HYDIN: variants seen among roughly 807,000 people sequenced by gnomAD.
The protein encoded by HYDIN is HYDIN axonemal central pair apparatus protein, also known as axonemal central pair apparatus protein HYDIN.
HYDIN carries 132 observed loss-of-function variants against 403.9 expected under a neutral mutation model. The ratio of observed to expected loss-of-function variants is 0.33; its 90% CI spans 0.28 to 0.38. The LOEUF (loss-of-function observed/expected upper bound fraction) is 0.38, where lower values mean the gene tolerates loss of function less well. Ranked by LOEUF, HYDIN falls within the 10% of genes least tolerant of loss-of-function variation. The pLI is 1.00. For missense variants in HYDIN, 2,827 were observed against 5,009.5 expected, an observed-to-expected ratio of 0.56 and a Z score of 13.15; for synonymous variants, 1,202 against 1,891.7, an observed-to-expected ratio of 0.64 and a Z score of 9.46.
chr16:70,836,699 C>T (rs1439163686), intron 77 of HYDIN, among the ~76,000 whole-genome samples: 1 of 152,216 alleles, frequency 6.6e-6, no homozygotes, highest in Non-Finnish European at 1.5e-5. Context: ...ACCCCTCCAC[C>T]CAACTATCTT....
rs1313250601 is a variant in HYDIN, at chr16:70,808,008, G to A, written c.14938C>T (p.Gln4980Ter). The A allele has an allele frequency of 6.2e-7, 1 of 1,613,768 alleles. No individual in the cohort carries two copies. Among genetic ancestry groups the A allele is most frequent in the African/African-American group, 1.3e-5 (1 of 74,856 alleles). Residue 4980 changes from glutamine (Q) to a stop codon, truncating the protein, a stop_gained, in exon 86 of 86, where the codon CAG becomes TAG. Coordinates refer to ENST00000393567, the MANE Select transcript of HYDIN (RefSeq NM_001270974.2). LOFTEE classifies it high-confidence loss of function. ...EKLINAAPGGQGGTEASVEVL... is the reference protein window; with the variant it reads ...EKLINAAPGG ...TCCACACTGGCTTCAGTGCCTCCCT[G>A]GCCTCCTGGGGCTGCATTAATGAGT...
chr16:70,847,181 CA>C (rs1358943396), intron 75 of HYDIN, among the ~76,000 whole-genome samples: 4 of 152,074 alleles, frequency 2.6e-5, no homozygotes, highest in Non-Finnish European at 4.4e-5. Context: ...CAATAATAGG[CA>C]AAACTTTTGC....
At chr16:70,831,951 T>C (rs527877025) in intron 80 of HYDIN, among the ~76,000 whole-genome samples, 1 of 150,260 alleles carries the variant, frequency 6.7e-6, no homozygotes, top group Non-Finnish European at 1.5e-5. Flanking sequence ...ACAAAACTTA[T>C]GTTCGGAATA....
intron 12 of HYDIN, among the ~76,000 whole-genome samples, chr16:71,082,133 A>G (rs1278359430): frequency 6.6e-6 from 1 of 151,920 alleles, no homozygotes; most frequent in Non-Finnish European, 1.5e-5. Context: ...AGAACCTACG[A>G]TATTAACTTT....
At chr16:70,992,738 G>T (rs1597487981) in intron 23 of HYDIN, among the ~76,000 whole-genome samples, 1 of 152,024 alleles carries the variant, frequency 6.6e-6, no homozygotes, top group East Asian at 1.9e-4. Flanking sequence ...TCAGTGCCTT[G>T]CTTGCCACAC....
intron 13 of HYDIN, among the ~76,000 whole-genome samples, chr16:71,070,595 C>T (rs1437989551): frequency 1.9e-4 from 26 of 135,706 alleles, no homozygotes; most frequent in African/African-American, 7.6e-4. Context: ...TCCCAAAGTG[C>T]TGGGATTACA....
At chr16:71,050,093 G>C (rs2081588554) in intron 18 of HYDIN, among the ~76,000 whole-genome samples, 1 of 147,330 alleles carries the variant, frequency 6.8e-6, no homozygotes, top group Non-Finnish European at 1.5e-5. Flanking sequence ...AAGAATGTCA[G>C]AGAAGAAACA....
chr16:70,859,510 T>G (rs1168633843), intron 71 of HYDIN, among the ~76,000 whole-genome samples: 1 of 152,104 alleles, frequency 6.6e-6, no homozygotes. Context: ...GAATTCTTAA[T>G]TTTTGTTTCA....
rs376378188 is a variant in HYDIN, at chr16:70,921,245, G to A, written c.7159-28C>T. 1.7e-4 allele frequency: 253 copies of A among 1,515,976 alleles called. No homozygotes were observed. The African/African-American group carries it at 2.9e-3, about 17-fold the overall frequency. The allele number at this position is 1,515,976 out of a possible 1,614,324, so 93.9% of individuals were successfully genotyped here. On this transcript the variant is annotated intron_variant, in intron 45 of 85. Coordinates refer to ENST00000393567, the MANE Select transcript of HYDIN (RefSeq NM_001270974.2). The stretch of plus-strand genomic sequence containing the variant: ...AGAAGGCATGACACAGAAAAGATGC[G>A]TCAAACAGTTTTTTACGGGGTAGTA...
At chr16:71,225,787 G>A (rs1185002257) in intron 1 of HYDIN, among the ~76,000 whole-genome samples, 1 of 151,716 alleles carries the variant, frequency 6.6e-6, no homozygotes, top group Non-Finnish European at 1.5e-5. Flanking sequence ...TGAACAACTG[G>A]AAACTGAAAA....
At chr16:70,868,417 T>C (rs1236457918) in intron 66 of HYDIN, among the ~76,000 whole-genome samples, 153 bp downstream of exon 66, 1 of 143,252 alleles carries the variant, frequency 7.0e-6, no homozygotes, top group Admixed American at 6.6e-5. Context: ...GCAGCATGTG[T>C]AGAAGTTTAG....
chr16:70,866,725 A>G (rs1179937510), intron 66 of HYDIN, among the ~76,000 whole-genome samples: 1 of 152,138 alleles, frequency 6.6e-6, no homozygotes, highest in Admixed American at 6.6e-5. Context: ...AAAATTAATA[A>G]CAGAAAAGAT....
At chr16:70,830,438 T>C (rs567037171) in intron 80 of HYDIN, among the ~76,000 whole-genome samples, 2 of 142,134 alleles carry the variant, frequency 1.4e-5, no homozygotes, top group East Asian at 4.0e-4. Flanking sequence ...CTTGGAGTCA[T>C]GGTAGACACT....
chr16:70,906,698 T>A (rs895818420), intron 50 of HYDIN, among the ~76,000 whole-genome samples: 3 of 151,954 alleles, frequency 2.0e-5, no homozygotes, highest in African/African-American at 7.2e-5. Flanking sequence ...CTTCTTCACA[T>A]CTGACTTCTC....
At position 70,995,796 on chromosome 16, in the gene HYDIN, T is replaced by C. The variant is rs544247202; in HGVS notation, c.3645-3586A>G. 4.0e-3 allele frequency among the ~76,000 whole-genome samples: 613 copies of C among 152,326 alleles called. 3 individuals are homozygous for C. Among genetic ancestry groups the C allele is most frequent in the Non-Finnish European group, 6.7e-3 (458 of 68,032 alleles). On this transcript the variant is annotated intron_variant, in intron 23 of 85. Transcript: ENST00000393567. ...TTTCTAATTCATTGATTCATTAGAC[T>C]TGGCTTCTGGGAGCGTCCACTACAG... is the stretch of plus-strand genomic sequence containing the variant.
intron 18 of HYDIN, among the ~76,000 whole-genome samples, chr16:71,057,684 C>T (rs1286661551): frequency 3.3e-5 from 5 of 151,340 alleles, no homozygotes; most frequent in Admixed American, 1.3e-4. Context: ...AGAAAATTTT[C>T]GCAACCTACT....
At chr16:71,075,967 G>C (rs1309967042) in intron 13 of HYDIN, 3 of 412,774 alleles carry the variant, frequency 7.3e-6, no homozygotes, top group Non-Finnish European at 4.9e-6. Flanking sequence ...CAGTACTTGA[G>C]GATCTCTCAG....
chr16:71,058,767 T>C lies in HYDIN; in HGVS notation c.2529+1737A>G, dbSNP rs367884672. ...AAATACAGTTGACCCTTGAACAACATGAGTTTGAACGGCATCAGTCCACTT... is the reference window on the plus strand; with the variant it reads ...AAATACAGTTGACCCTTGAACAACACGAGTTTGAACGGCATCAGTCCACTT... On this transcript the variant is annotated intron_variant, in intron 18 of 85. Coordinates refer to ENST00000393567, the MANE Select transcript of HYDIN (RefSeq NM_001270974.2). Among the ~76,000 whole-genome samples, 398 of 152,152 alleles carry C rather than the reference T, an allele frequency of 2.6e-3. 4 individuals are homozygous for C. Among genetic ancestry groups the C allele is most frequent in the African/African-American group, 9.0e-3 (372 of 41,520 alleles).
chr16:71,179,368 T>C (rs1597963255), intron 3 of HYDIN, among the ~76,000 whole-genome samples: 1 of 147,478 alleles, frequency 6.8e-6, no homozygotes, highest in Non-Finnish European at 1.5e-5. Context: ...TCTGCAGGCA[T>C]AGTATTTTTT....
Sources: allele counts gnomAD v4.1 joint callset (sites outside exome capture counted in the v4.1 genomes callset), GRCh38; gene constraint gnomAD v4.1.1; transcripts MANE v1.5; gene names NCBI Gene and HGNC (gene_info 2026-07-23, HGNC 2026-07-21).